The following NEBL variants were observed in gnomAD, a reference collection of about 807,000 sequenced individuals.
The protein encoded by NEBL is nebulette.
A neutral mutation model predicts 140.2 loss-of-function variants in NEBL; 122 were observed. That is an observed-to-expected ratio of 0.87 (90% CI 0.75 to 1.01). NEBL has a LOEUF of 1.01. Among genes scored for constraint, NEBL ranks in the 50% least tolerant of loss-of-function variants. The pLI is 0.00. For missense variants in NEBL, 1,365 were observed against 1,231.3 expected, an observed-to-expected ratio of 1.11 and a Z score of -1.62; for synonymous variants, 436 against 398.9, an observed-to-expected ratio of 1.09 and a Z score of -1.11.
At chr10:20,804,706 G>A (rs1837445074) in intron 26 of NEBL, 1 of 152,322 alleles carries the variant, frequency 6.6e-6, no homozygotes, top group Non-Finnish European at 1.5e-5. Flanking sequence ...AGTAAAGCAA[G>A]GGGACCAGAA....
intron 2 of NEBL, among the ~76,000 whole-genome samples, chr10:21,147,218 T>C (rs892827287): frequency 3.9e-5 from 6 of 152,116 alleles, no homozygotes; most frequent in Non-Finnish European, 7.4e-5. Flanking sequence ...CTCCCCTCTC[T>C]GAGCCTGGGA....
At chr10:20,807,539 C>A (rs912170948) in intron 26 of NEBL, among the ~76,000 whole-genome samples, 15 of 152,146 alleles carry the variant, frequency 9.9e-5, no homozygotes, top group Non-Finnish European at 1.5e-5. Context: ...ATTTTATTCC[C>A]ATTAGTGTTT....
At chr10:21,049,729 C>G (rs1023857617) in intron 2 of NEBL, among the ~76,000 whole-genome samples, 4 of 152,212 alleles carry the variant, frequency 2.6e-5, no homozygotes, top group African/African-American at 7.2e-5. Context: ...GCTTCTCCCC[C>G]TACTGCAGTG....
intron 3 of NEBL, among the ~76,000 whole-genome samples, chr10:21,186,868 C>T (rs1841479981): frequency 6.6e-6 from 1 of 151,010 alleles, no homozygotes; most frequent in Non-Finnish European, 1.5e-5. Flanking sequence ...AGAATAATGA[C>T]AAGGGAAAAA....
At chr10:21,053,609 C>A (rs150879957) in intron 2 of NEBL, among the ~76,000 whole-genome samples, 24 of 152,228 alleles carry the variant, frequency 1.6e-4, no homozygotes, top group African/African-American at 5.8e-4. Flanking sequence ...TCCAATGTTC[C>A]CTTATTATAA....
intron 13 of NEBL, 103 bp downstream of exon 13, chr10:20,840,636 T>C: frequency 2.5e-6 from 2 of 791,242 alleles, no homozygotes; most frequent in South Asian, 2.9e-5. Context: ...TACAATCACT[T>C]ACATATAAAA....
intron 2 of NEBL, among the ~76,000 whole-genome samples, chr10:21,145,303 C>T (rs1333022364): frequency 6.6e-6 from 1 of 152,212 alleles, no homozygotes; most frequent in Non-Finnish European, 1.5e-5. Flanking sequence ...AATATTCTCA[C>T]ATATGCCAAA....
At chr10:20,915,799 T>A (rs1848530841) in intron 4 of NEBL, among the ~76,000 whole-genome samples, 1 of 152,158 alleles carries the variant, frequency 6.6e-6, no homozygotes, top group Non-Finnish European at 1.5e-5. Context: ...TCAAATGGTA[T>A]TTCTAGTTCT....
At chr10:21,008,025 A>C (rs1838203005) in intron 3 of NEBL, among the ~76,000 whole-genome samples, 1 of 152,236 alleles carries the variant, frequency 6.6e-6, no homozygotes, top group Non-Finnish European at 1.5e-5. Flanking sequence ...TTAGCCATTC[A>C]TAACAAAAAA....
intron 1 of NEBL, among the ~76,000 whole-genome samples, chr10:21,262,622 A>G (rs1842753420): frequency 6.6e-6 from 1 of 152,226 alleles, no homozygotes; most frequent in Admixed American, 6.5e-5. Flanking sequence ...GATCAAAATC[A>G]AGGTCACAAT....
chr10:21,212,131 G>C (rs1209444951), intron 3 of NEBL, among the ~76,000 whole-genome samples: 1 of 150,794 alleles, frequency 6.6e-6, no homozygotes, highest in Non-Finnish European at 1.5e-5. Flanking sequence ...TATATATACA[G>C]TATTATCGCT....
chr10:21,013,161 G>A (rs1449221034), intron 3 of NEBL, among the ~76,000 whole-genome samples: 1 of 152,192 alleles, frequency 6.6e-6, no homozygotes, highest in African/African-American at 2.4e-5. Flanking sequence ...GTTAACATCT[G>A]CTTAGCACGC....
At chr10:21,084,939 A>G (rs2131947302) in intron 2 of NEBL, among the ~76,000 whole-genome samples, 1 of 152,326 alleles carries the variant, frequency 6.6e-6, no homozygotes, top group African/African-American at 2.4e-5. Flanking sequence ...CCTGTTGCAC[A>G]TGAATGCTTT....
At chr10:20,862,856 T>A (rs1037696125) in intron 7 of NEBL, among the ~76,000 whole-genome samples, 10 of 152,062 alleles carry the variant, frequency 6.6e-5, no homozygotes, top group Non-Finnish European at 8.8e-5. Flanking sequence ...TCCCAATATT[T>A]ATCACCTTTT....
At chr10:21,191,485 T>A (rs766375567) in intron 3 of NEBL, among the ~76,000 whole-genome samples, 1 of 152,196 alleles carries the variant, frequency 6.6e-6, no homozygotes, top group African/African-American at 2.4e-5. Flanking sequence ...AGTACATGGA[T>A]ACCAGGTTAG....
chr10:21,136,774 A>G (rs1263068751), intron 2 of NEBL, among the ~76,000 whole-genome samples: 1 of 152,200 alleles, frequency 6.6e-6, no homozygotes, highest in African/African-American at 2.4e-5. Context: ...TATTTTATTC[A>G]CACAGTACAT....
chr10:20,840,833 T>C lies in NEBL; in HGVS notation c.1244A>G (p.Asp415Gly). The change falls in exon 13 of 28, where the codon GAT becomes GGT. Residue 415 changes from aspartate (D) to glycine (G), a missense_variant. Transcript: ENST00000377122. ...TTTCCCTTTTATCTCATTTTCCAAA[T>C]CTTTTTTATATTCTTTCTATGAGAC... ...NLLREKEYKKDLENEIKGKGM... is the reference protein window; with the variant it reads ...NLLREKEYKKGLENEIKGKGM... 3 of 1,580,726 alleles carry C rather than the reference T, an allele frequency of 1.9e-6. No homozygotes were observed. The highest frequency in any genetic ancestry group is 2.6e-6 in the Non-Finnish European group (3 of 1,151,452).
intron 3 of NEBL, among the ~76,000 whole-genome samples, chr10:21,000,204 G>T (rs1837837060): frequency 9.1e-6 from 1 of 109,912 alleles, no homozygotes; most frequent in East Asian, 3.4e-4. Flanking sequence ...GGAATAGAGG[G>T]GGTATAGAGG....
upstream of NEBL, chr10:21,174,895 A>G (rs1841263119): frequency 1.3e-5 from 2 of 152,222 alleles, no homozygotes; most frequent in African/African-American, 4.8e-5. Context: ...CTCTTGATTA[A>G]TAAATGAATA....
Sources: allele counts gnomAD v4.1 joint callset (sites outside exome capture counted in the v4.1 genomes callset), GRCh38; gene constraint gnomAD v4.1.1; transcripts MANE v1.5; gene names NCBI Gene and HGNC (gene_info 2026-07-23, HGNC 2026-07-21).